The following SYT16 variants were observed in gnomAD, a reference collection of about 807,000 sequenced individuals.
The protein encoded by SYT16 is synaptotagmin-16.
In SYT16, 42 loss-of-function variants were observed where a neutral mutation model predicts 61.4. That is an observed-to-expected ratio of 0.68 (90% CI 0.53 to 0.89). SYT16 has a LOEUF of 0.89. Ranked by LOEUF, SYT16 falls within the 40% of genes least tolerant of loss-of-function variation. SYT16 has a pLI of 0.00. For missense variants in SYT16, 804 were observed against 807.3 expected, an observed-to-expected ratio of 1.00 and a Z score of 0.05; for synonymous variants, 314 against 302.3, an observed-to-expected ratio of 1.04 and a Z score of -0.40.
intron 4 of SYT16, among the ~76,000 whole-genome samples, chr14:62,073,589 C>T (rs538669465): frequency 9.2e-5 from 14 of 152,220 alleles, no homozygotes; most frequent in East Asian, 1.9e-4. Flanking sequence ...TGAAGGATAA[C>T]GAGGAAGATA....
rs72716785 is a variant in SYT16, at chr14:61,853,256, A to T, written c.-325+40446A>T. ...ACTTGTCCCAAACAGACAGAGCTTT[A>T]AAGTCAGAAGAATTAAAATTGTTTT... On this transcript the variant is annotated intron_variant, in intron 1 of 7. Transcript: ENST00000683842. 2.2e-3 allele frequency among the ~76,000 whole-genome samples: 332 copies of T among 152,340 alleles called. 1 individual carries two copies. Among genetic ancestry groups the T allele is most frequent in the South Asian group, 4.1e-3 (20 of 4,832 alleles).
intron 3 of SYT16, among the ~76,000 whole-genome samples, chr14:62,006,695 A>C (rs754600835): frequency 3.3e-5 from 5 of 152,132 alleles, no homozygotes; most frequent in Non-Finnish European, 7.4e-5. Flanking sequence ...TGGTTTAAAG[A>C]CTCAAATCCA....
chr14:62,020,028 C>A (rs1198705232), intron 3 of SYT16, among the ~76,000 whole-genome samples: 2 of 152,034 alleles, frequency 1.3e-5, no homozygotes, highest in African/African-American at 4.8e-5. Flanking sequence ...TTCTAACTTA[C>A]TAGTTAGAGA....
chr14:61,892,641 G>A (rs2140340577), intron 1 of SYT16, among the ~76,000 whole-genome samples: 1 of 152,244 alleles, frequency 6.6e-6, no homozygotes, highest in South Asian at 2.1e-4. Flanking sequence ...TCTCAGGATT[G>A]ACTCTCATTT....
At chr14:61,952,051 G>T (rs2761860) in intron 1 of SYT16, among the ~76,000 whole-genome samples, 18,955 of 151,982 alleles carry the variant, frequency 0.12, 2,319 homozygotes, top group African/African-American at 0.31. Flanking sequence ...GCCTCACAAA[G>T]TGTTGGGATT....
chr14:61,903,227 C>A (rs1182878408), intron 1 of SYT16, among the ~76,000 whole-genome samples: 3 of 151,910 alleles, frequency 2.0e-5, no homozygotes, highest in Non-Finnish European at 4.4e-5. Context: ...AATAAGGCCA[C>A]ATTTTGAGTT....
chr14:62,084,910 G>A (rs1048841966), intron 7 of SYT16, among the ~76,000 whole-genome samples: 2 of 152,296 alleles, frequency 1.3e-5, no homozygotes, highest in African/African-American at 2.4e-5. Flanking sequence ...TTTATTTAAA[G>A]CATTTAGTAC....
intron 5 of SYT16, among the ~76,000 whole-genome samples, chr14:62,078,655 T>G (rs2056600038): frequency 6.6e-6 from 1 of 152,148 alleles, no homozygotes; most frequent in Non-Finnish European, 1.5e-5. Context: ...CACCACTCAG[T>G]ATGGCTAATT....
chr14:62,008,103 GTTTA>G (rs1231457610), intron 3 of SYT16, among the ~76,000 whole-genome samples: 3 of 151,950 alleles, frequency 2.0e-5, no homozygotes, highest in Non-Finnish European at 4.4e-5. Context: ...TTTGTGTGTT[GTTTA>G]TTTATTTATT....
intron 1 of SYT16, among the ~76,000 whole-genome samples, chr14:61,826,135 G>T (rs989660431): frequency 1.3e-5 from 2 of 150,172 alleles, no homozygotes; most frequent in African/African-American, 5.1e-5. Flanking sequence ...GGTGGCTGGG[G>T]CCTGTCCTGG....
intron 1 of SYT16, chr14:61,864,777 G>A: frequency 1.1e-6 from 1 of 949,914 alleles, no homozygotes; most frequent in Non-Finnish European, 1.6e-6. Context: ...GGCCGGTTGG[G>A]CCCTAGTGTC....
intron 1 of SYT16, among the ~76,000 whole-genome samples, chr14:61,894,316 A>G (rs1230535115): frequency 6.6e-6 from 1 of 150,922 alleles, no homozygotes; most frequent in African/African-American, 2.4e-5. Flanking sequence ...AAGCCTGTTC[A>G]TTAGGTTCTC....
chr14:62,073,347 C>T (rs2056369361), intron 4 of SYT16, among the ~76,000 whole-genome samples: 1 of 152,078 alleles, frequency 6.6e-6, no homozygotes, highest in Non-Finnish European at 1.5e-5. Context: ...TGATGGATGA[C>T]CCACTGTTTA....
chr14:61,941,844 A>G (rs912093048), intron 1 of SYT16, among the ~76,000 whole-genome samples: 11 of 152,248 alleles, frequency 7.2e-5, no homozygotes, highest in Admixed American at 7.2e-4. Context: ...AATTGAAAGG[A>G]TTTGTCTTAA....
intron 1 of SYT16, among the ~76,000 whole-genome samples, chr14:61,869,391 G>T (rs1205527151): frequency 6.6e-6 from 1 of 151,752 alleles, no homozygotes; most frequent in Non-Finnish European, 1.5e-5. Context: ...TTATATTTTA[G>T]GTTTTTTTGG....
At chr14:61,959,260 A>C (rs758988877) in intron 1 of SYT16, among the ~76,000 whole-genome samples, 2 of 152,140 alleles carry the variant, frequency 1.3e-5, no homozygotes, top group African/African-American at 2.4e-5. Flanking sequence ...GTTTAATGGA[A>C]TTATTGATAG....
At chr14:61,869,051 G>C (rs920027492) in intron 1 of SYT16, among the ~76,000 whole-genome samples, 1 of 151,916 alleles carries the variant, frequency 6.6e-6, no homozygotes, top group South Asian at 2.1e-4. Context: ...CTTTTCTTTG[G>C]TAATATTTTA....
At chr14:61,908,488 G>A (rs117890661) in intron 1 of SYT16, among the ~76,000 whole-genome samples, 2,719 of 152,200 alleles carry the variant, frequency 0.018, 37 homozygotes, top group Middle Eastern at 0.041. Flanking sequence ...GTCGGGAATA[G>A]GAATTAGATG....
chr14:61,995,917 C>A lies in SYT16; in HGVS notation c.-103C>A, dbSNP rs533301916. ...TGAAATATTCACAGCCATTAAGAGA[C>A]CTCCAAATTAATTTCTCAACATGCT... On this transcript the variant is annotated 5_prime_UTR_variant, in exon 3 of 8. Coordinates refer to ENST00000683842, the MANE Select transcript of SYT16 (RefSeq NM_001367656.1). The A allele has an allele frequency of 4.0e-4, 466 of 1,177,722 alleles. No homozygotes were observed. The African/African-American group carries it at 4.3e-3, about 11-fold the overall frequency. The allele number at this position is 1,177,722 out of a possible 1,614,324, so 73.0% of individuals were successfully genotyped here.
Sources: gnomAD v4.1 joint callset for allele counts (sites outside exome capture counted in the v4.1 genomes callset) on GRCh38, gnomAD v4.1.1 for gene constraint, MANE v1.5 for transcripts, NCBI Gene and HGNC (gene_info 2026-07-23, HGNC 2026-07-21) for gene names.